Variants in SH2D4A observed in about 807,000 individuals in gnomAD.
SH2D4A encodes the protein SH2 domain-containing protein 4A.
A neutral mutation model predicts 64.7 loss-of-function variants in SH2D4A; 70 were observed. The observed-to-expected ratio is 1.08, with a 90% CI of 0.89 to 1.32. The LOEUF is 1.32. Among genes scored for constraint, SH2D4A ranks in the 40% most tolerant of loss-of-function variants. SH2D4A has a pLI of 0.00. For synonymous variants in SH2D4A, 268 were observed against 200.7 expected (o/e 1.34, Z -2.83); for missense variants, 706 against 540.1 (o/e 1.31, Z -3.04).
At chr8:19,373,332 C>CCA (rs2053135628) in intron 7 of SH2D4A, among the ~76,000 whole-genome samples, 198 bp from the exon 8 acceptor site, 1 of 147,462 alleles carries the variant, frequency 6.8e-6, no homozygotes, top group Admixed American at 6.8e-5. Flanking sequence ...CCCCCCACCC[C>CCA]CACACACACA....
chr8:19,391,468 G>A (rs2053491617), intron 8 of SH2D4A, among the ~76,000 whole-genome samples: 1 of 152,114 alleles, frequency 6.6e-6, no homozygotes, highest in Non-Finnish European at 1.5e-5. Context: ...TCGTCTGCTG[G>A]GAATGAGTGT....
chr8:19,365,150 TCTC>T (rs1159526701), intron 7 of SH2D4A, among the ~76,000 whole-genome samples: 4 of 152,174 alleles, frequency 2.6e-5, no homozygotes, highest in Admixed American at 1.3e-4. Context: ...ATAAGACTCT[TCTC>T]CTGCTTGGAG....
chr8:19,381,464 G>A (rs573987441), intron 8 of SH2D4A, among the ~76,000 whole-genome samples: 9 of 152,284 alleles, frequency 5.9e-5, no homozygotes, highest in African/African-American at 2.2e-4. Flanking sequence ...TTCTCAGAGT[G>A]TTGTTAGTGT....
chr8:19,373,346 GTA>G (rs35016045), intron 7 of SH2D4A, among the ~76,000 whole-genome samples, 182 bp from the exon 8 acceptor site: 17 of 146,212 alleles, frequency 1.2e-4, no homozygotes, highest in Non-Finnish European at 1.8e-4. Flanking sequence ...ACACACATGT[GTA>G]TATATATATA....
chr8:19,335,792 A>G (rs1295153374), intron 4 of SH2D4A, among the ~76,000 whole-genome samples: 1 of 152,196 alleles, frequency 6.6e-6, no homozygotes, highest in East Asian at 1.9e-4. Context: ...ATTGGTATGA[A>G]TTCTCTTATG....
chr8:19,372,338 G>A (rs2053116326), intron 7 of SH2D4A, among the ~76,000 whole-genome samples: 1 of 152,200 alleles, frequency 6.6e-6, no homozygotes, highest in Admixed American at 6.5e-5. Flanking sequence ...TGATGGACCT[G>A]AGGAAGAACT....
chr8:19,336,983 C>A (rs2052455400), intron 4 of SH2D4A, among the ~76,000 whole-genome samples: 1 of 151,766 alleles, frequency 6.6e-6, no homozygotes, highest in African/African-American at 2.4e-5. Flanking sequence ...AAATAGATAC[C>A]ACAGTTATTA....
chr8:19,364,191 C>T lies in SH2D4A; in HGVS notation c.826C>T (p.Pro276Ser), dbSNP rs1425597787. The T allele has an allele frequency of 1.9e-6, 3 of 1,614,026 alleles. No individual in the cohort carries two copies. Among genetic ancestry groups the T allele is most frequent in the African/African-American group, 1.3e-5 (1 of 74,928 alleles). Residue 276 changes from proline (P) to serine (S), a missense_variant, in exon 7 of 10, where the codon CCC (proline) becomes TCC (serine). Pro to Ser is a moderately conservative substitution (Grantham distance 74). Coordinates refer to ENST00000265807, the MANE Select transcript of SH2D4A (RefSeq NM_022071.4). Reference sequence around the variant, plus strand: ...AAGAGGCGGTGAGAGGCTGCAAAGCCCCTTGCGTGTTCCGCAGAAACCAGA... The same window carrying T: ...AAGAGGCGGTGAGAGGCTGCAAAGCTCCTTGCGTGTTCCGCAGAAACCAGA... ...KGRGGERLQS[P>S]LRVPQKPERP...
chr8:19,341,157 C>T (rs1395053920), intron 4 of SH2D4A, among the ~76,000 whole-genome samples: 3 of 152,204 alleles, frequency 2.0e-5, no homozygotes, highest in South Asian at 4.1e-4. Context: ...CCCAGGCCTT[C>T]TCCTTTAGAA....
intron 1 of SH2D4A, chr8:19,314,217 G>A (rs1010260864): frequency 3.7e-6 from 2 of 539,906 alleles, no homozygotes; most frequent in Non-Finnish European, 4.9e-6. Context: ...TTCCACCCGC[G>A]GGGAGTGCAG....
chr8:19,386,504 C>G (rs1458009320), intron 8 of SH2D4A, among the ~76,000 whole-genome samples: 1 of 152,200 alleles, frequency 6.6e-6, no homozygotes. Flanking sequence ...CATCCTGACA[C>G]TATCAGAGGA....
chr8:19,364,753 A>T (rs892123865), intron 7 of SH2D4A, among the ~76,000 whole-genome samples: 2 of 152,214 alleles, frequency 1.3e-5, no homozygotes, highest in African/African-American at 2.4e-5. Flanking sequence ...ACTGCCAAGG[A>T]TTAAAGGTTT....
At chr8:19,390,092 G>A (rs1445160380) in intron 8 of SH2D4A, among the ~76,000 whole-genome samples, 10 of 152,282 alleles carry the variant, frequency 6.6e-5, no homozygotes, top group South Asian at 2.1e-4. Flanking sequence ...GACTGAGGCC[G>A]GGTGCAGTGG....
chr8:19,373,778 C>A, intron 8 of SH2D4A, 118 bp downstream of exon 8: 1 of 1,326,902 alleles, frequency 7.5e-7, no homozygotes, highest in Non-Finnish European at 1.0e-6. Flanking sequence ...AAGAGTCTTT[C>A]AGATTATTTC....
At chr8:19,347,047 C>T (rs771120934) in intron 4 of SH2D4A, among the ~76,000 whole-genome samples, 1 of 152,154 alleles carries the variant, frequency 6.6e-6, no homozygotes, top group African/African-American at 2.4e-5. Context: ...AAAGCTGTTG[C>T]CCTCTGTAAA....
chr8:19,345,647 A>C (rs944885458), intron 4 of SH2D4A, among the ~76,000 whole-genome samples: 2 of 152,244 alleles, frequency 1.3e-5, no homozygotes, highest in African/African-American at 4.8e-5. Context: ...CTTTTGGTCC[A>C]CCTGGGTAAT....
intron 8 of SH2D4A, among the ~76,000 whole-genome samples, chr8:19,382,855 G>A (rs533421881): frequency 6.2e-5 from 6 of 96,990 alleles, no homozygotes; most frequent in African/African-American, 2.3e-4. Flanking sequence ...TTTTGAGACA[G>A]GGTCTCACTC....
intron 8 of SH2D4A, among the ~76,000 whole-genome samples, chr8:19,374,543 A>C (rs911623874): frequency 6.6e-6 from 1 of 152,224 alleles, no homozygotes; most frequent in African/African-American, 2.4e-5. Context: ...ATATACCCAC[A>C]AAAAGGAAAC....
At chr8:19,348,354 C>T (rs2052644926) in intron 4 of SH2D4A, among the ~76,000 whole-genome samples, 2 of 152,148 alleles carry the variant, frequency 1.3e-5, no homozygotes, top group Admixed American at 6.5e-5. Context: ...GCCCCTGCCT[C>T]CCAAAGTGCT....
Sources: gnomAD v4.1 joint callset for allele counts (sites outside exome capture counted in the v4.1 genomes callset) on GRCh38, gnomAD v4.1.1 for gene constraint, MANE v1.5 for transcripts, NCBI Gene and HGNC (gene_info 2026-07-23, HGNC 2026-07-21) for gene names.